The following RBM19 variants were observed in gnomAD, a reference collection of about 807,000 sequenced individuals.
RBM19 encodes RNA binding motif protein 19.
In RBM19, 94 loss-of-function variants were observed where a neutral mutation model predicts 116.8. That is an observed-to-expected ratio of 0.80 (90% CI 0.68 to 0.95). The LOEUF is 0.95. Among genes scored for constraint, RBM19 ranks in the 40% least tolerant of loss-of-function variants. RBM19 has a pLI of 0.00. For synonymous variants in RBM19, 475 were observed against 494.1 expected (o/e 0.96, Z 0.51); for missense variants, 1,161 against 1,220.7 (o/e 0.95, Z 0.73).
intron 23 of RBM19, among the ~76,000 whole-genome samples, chr12:113,834,755 C>T (rs1183757531): frequency 6.6e-6 from 1 of 152,040 alleles, no homozygotes; most frequent in African/African-American, 2.4e-5. Context: ...GATGGAACAC[C>T]CAGGTATAGA....
At chr12:113,960,568 A>G (rs74752577) in intron 2 of RBM19, among the ~76,000 whole-genome samples, 13,731 of 152,184 alleles carry the variant, frequency 0.09, 719 homozygotes, top group African/African-American at 0.12. Context: ...TACCCAGGTA[A>G]TAAGTGACAG....
chr12:113,861,474 C>CTGTGTGTGTGTGTG (rs57704604), intron 21 of RBM19, among the ~76,000 whole-genome samples: 3,085 of 126,378 alleles, frequency 0.024, 70 homozygotes, highest in East Asian at 0.042. Context: ...AAGCCAGACT[C>CTGTGTGTGTGTGTG]TGTGTGTGTG....
rs769723901 is a variant in RBM19, at chr12:113,960,085, C to A, written c.313G>T (p.Asp105Tyr). The change falls in exon 3 of 24, where the codon GAC (aspartate) becomes TAC (tyrosine). Residue 105 changes from aspartate (D) to tyrosine (Y), a missense_variant. By Grantham distance (160) the Asp-to-Tyr change is radical. Coordinates refer to ENST00000261741, the MANE Select transcript of RBM19 (RefSeq NM_016196.4). The part of the protein sequence containing the change: ...KPSQPKQPPK[D>Y]STTPEIKKDE... ...TTCTTAATTTCTGGAGTAGTAGAGT[C>A]TTTTGGAGGCTGCTTGGGCTGGCTT... 1.2e-6 allele frequency: 2 copies of A among 1,614,182 alleles called. No individual in the cohort carries two copies. Among genetic ancestry groups the A allele is most frequent in the Non-Finnish European group, 8.5e-7 (1 of 1,180,038 alleles).
Position 113,915,098 on chromosome 12 carries a change from G to C in RBM19, c.2442-13C>G, listed in dbSNP as rs1420032990. ...TGTCACGGCTGGCCTGGAGTGGTGG[G>C]GGGAGAGGGTCCAAGTTATTCGGAG... On this transcript the variant is annotated splice_polypyrimidine_tract_variant and intron_variant, in intron 20 of 23. Transcript: ENST00000261741. The C allele has an allele frequency of 2.5e-6, 4 of 1,607,384 alleles. No homozygotes were observed. Among genetic ancestry groups the C allele is most frequent in the Non-Finnish European group, 3.4e-6 (4 of 1,173,952 alleles).
intron 23 of RBM19, among the ~76,000 whole-genome samples, chr12:113,831,744 C>T (rs1352953136): frequency 3.9e-5 from 6 of 152,190 alleles, no homozygotes; most frequent in African/African-American, 9.7e-5. Flanking sequence ...CAGCCGCTCC[C>T]GGGGGAAGGG....
chr12:113,949,360 T>A (rs1369429543), intron 9 of RBM19, among the ~76,000 whole-genome samples: 1 of 152,122 alleles, frequency 6.6e-6, no homozygotes, highest in African/African-American at 2.4e-5. Context: ...TTGGGAAGGG[T>A]CTTAGGTGAC....
At chr12:113,958,250 CTCTG>C (rs1428202383) in intron 5 of RBM19, among the ~76,000 whole-genome samples, 200 bp from the exon 6 acceptor site, 3 of 152,174 alleles carry the variant, frequency 2.0e-5, no homozygotes, top group African/African-American at 7.2e-5. Flanking sequence ...CTTTGATATT[CTCTG>C]TGCCACACAT....
chr12:113,877,494 T>C (rs1879755813), intron 21 of RBM19, among the ~76,000 whole-genome samples: 1 of 152,202 alleles, frequency 6.6e-6, no homozygotes, highest in Non-Finnish European at 1.5e-5. Context: ...CCTGGGGGCC[T>C]GAGTGACTAT....
intron 14 of RBM19, among the ~76,000 whole-genome samples, chr12:113,940,807 A>G (rs1870509550): frequency 6.6e-6 from 1 of 152,216 alleles, no homozygotes; most frequent in African/African-American, 2.4e-5. Context: ...TGCTTCTGGG[A>G]GAACCAAAAC....
At chr12:113,859,678 G>GGCCTCCCTT (rs907942223) in intron 21 of RBM19, among the ~76,000 whole-genome samples, 1 of 152,064 alleles carries the variant, frequency 6.6e-6, no homozygotes, top group Non-Finnish European at 1.5e-5. Context: ...GGCTTTCTCA[G>GGCCTCCCTT]GCCTCCCTTG....
intron 20 of RBM19, 61 bp from the exon 21 acceptor site, chr12:113,915,146 T>A (rs150722912): frequency 3.1e-6 from 4 of 1,277,098 alleles, no homozygotes; most frequent in Non-Finnish European, 3.4e-6. Flanking sequence ...CTGCCCAACA[T>A]TGACTCCACT....
intron 21 of RBM19, among the ~76,000 whole-genome samples, chr12:113,887,230 A>C (rs1880589725): frequency 6.6e-6 from 1 of 152,172 alleles, no homozygotes; most frequent in African/African-American, 2.4e-5. Flanking sequence ...CCACAAAGCT[A>C]AAACTCTTCA....
Position 113,897,583 on chromosome 12 carries a change from G to A in RBM19, c.2558+17386C>T, listed in dbSNP as rs531957638. 2.4e-3 allele frequency among the ~76,000 whole-genome samples: 371 copies of A among 152,358 alleles called. 3 individuals carry two copies. The highest frequency in any genetic ancestry group is 0.01 in the Middle Eastern group (3 of 292). On this transcript the variant is annotated intron_variant, in intron 21 of 23. Transcript: ENST00000261741. ...TCCCGGCTACTCGGGAGGCTGAGGTGGGAGGATCACTTGAGGCCAGGAGTT... is the reference window on the plus strand; with the variant it reads ...TCCCGGCTACTCGGGAGGCTGAGGTAGGAGGATCACTTGAGGCCAGGAGTT...
chr12:113,904,851 C>T (rs567646085), intron 21 of RBM19, among the ~76,000 whole-genome samples: 1 of 152,290 alleles, frequency 6.6e-6, no homozygotes, highest in South Asian at 2.1e-4. Context: ...CAGACTTTCC[C>T]GTCCCCGAAT....
chr12:113,887,552 G>A (rs1455827476), intron 21 of RBM19, among the ~76,000 whole-genome samples: 13 of 2,012 alleles, frequency 6.5e-3, no homozygotes, highest in Admixed American at 0.064. Flanking sequence ...CAGGAGAATC[G>A]CTTAAACCCG....
At chr12:113,952,131 C>T (rs776421569) in intron 8 of RBM19, among the ~76,000 whole-genome samples, 3 of 152,050 alleles carry the variant, frequency 2.0e-5, no homozygotes, top group Admixed American at 6.6e-5. Flanking sequence ...GAGGGTGGCA[C>T]GGGGCAACAC....
chr12:113,896,845 C>T (rs1362851123), intron 21 of RBM19, among the ~76,000 whole-genome samples: 2 of 152,210 alleles, frequency 1.3e-5, no homozygotes, highest in Non-Finnish European at 1.5e-5. Flanking sequence ...GCACCAAACA[C>T]TAGGCTGCAG....
At chr12:113,922,777 AC>A (rs2135869591) in intron 18 of RBM19, among the ~76,000 whole-genome samples, 1 of 152,138 alleles carries the variant, frequency 6.6e-6, no homozygotes, top group African/African-American at 2.4e-5. Flanking sequence ...TAGAATCCTG[AC>A]CCCCAGTATC....
chr12:113,938,853 A>T (rs762553907), intron 15 of RBM19, among the ~76,000 whole-genome samples: 1 of 152,208 alleles, frequency 6.6e-6, no homozygotes. Context: ...CAGACTCCCT[A>T]GAGCCTTCAG....
Sources: gnomAD v4.1 joint callset for allele counts (sites outside exome capture counted in the v4.1 genomes callset) on GRCh38, gnomAD v4.1.1 for gene constraint, MANE v1.5 for transcripts, NCBI Gene and HGNC (gene_info 2026-07-23, HGNC 2026-07-21) for gene names.